Variants in LHFPL6 observed in about 807,000 individuals in gnomAD.
LHFPL6 encodes LHFPL tetraspan subfamily member 6 protein.
In LHFPL6, 9 loss-of-function variants were observed where a neutral mutation model predicts 20.6. That is an observed-to-expected ratio of 0.44 (90% CI 0.26 to 0.76). The LOEUF (loss-of-function observed/expected upper bound fraction) is 0.76, where lower values mean the gene tolerates loss of function less well. Ranked by LOEUF, LHFPL6 falls within the 30% of genes least tolerant of loss-of-function variation. LHFPL6 has a pLI of 0.20. For synonymous variants in LHFPL6, 105 were observed against 98.7 expected (o/e 1.06, Z -0.38); for missense variants, 218 against 253.5 (o/e 0.86, Z 0.95).
chr13:39,547,626 T>C (rs1871021401), intron 2 of LHFPL6, among the ~76,000 whole-genome samples: 1 of 152,128 alleles, frequency 6.6e-6, no homozygotes, highest in African/African-American at 2.4e-5. Flanking sequence ...GACCAGCTCC[T>C]GAGAATTGAG....
intron 2 of LHFPL6, among the ~76,000 whole-genome samples, chr13:39,569,008 T>C (rs1164646194): frequency 1.3e-5 from 2 of 152,196 alleles, no homozygotes; most frequent in Non-Finnish European, 2.9e-5. Context: ...CATTACTGCT[T>C]GGAAATTGAA....
rs533657418 is a variant in LHFPL6, at chr13:39,343,024, G to A, written c.*912C>T. The A allele has an allele frequency of 2.7e-4, 52 of 194,032 alleles. No homozygotes were observed. The highest frequency in any genetic ancestry group is 4.4e-4 in the Non-Finnish European group (41 of 92,736). The allele number at this position is 194,032 out of a possible 1,614,324, so 12.0% of individuals were successfully genotyped here. A position where few individuals can be genotyped will look rare whatever the true frequency, so the allele number is the denominator to read the frequency against. On this transcript the variant is annotated 3_prime_UTR_variant, in exon 4 of 4. Transcript: ENST00000379589. ...TACAATAATGGACAAAAGAAAACAC[G>A]ATCCAATGACTGGAAAATGTCTCTC...
chr13:39,349,320 T>C (rs546817152), intron 3 of LHFPL6, among the ~76,000 whole-genome samples: 2 of 150,680 alleles, frequency 1.3e-5, no homozygotes, highest in South Asian at 2.1e-4. Flanking sequence ...TATGCATACA[T>C]GTCTTTTGAG....
chr13:39,486,760 A>T (rs1868740333), intron 2 of LHFPL6, among the ~76,000 whole-genome samples: 1 of 152,222 alleles, frequency 6.6e-6, no homozygotes, highest in South Asian at 2.1e-4. Context: ...ACCTATCAGG[A>T]TATCTAATGT....
chr13:39,347,843 G>C (rs746143551), intron 3 of LHFPL6, among the ~76,000 whole-genome samples: 9 of 152,292 alleles, frequency 5.9e-5, no homozygotes, highest in African/African-American at 2.2e-4. Flanking sequence ...TGGTCCATCT[G>C]TTTAGCACTG....
At chr13:39,413,129 G>A (rs9566430) in intron 2 of LHFPL6, among the ~76,000 whole-genome samples, 4,940 of 152,158 alleles carry the variant, frequency 0.032, 94 homozygotes, top group Middle Eastern at 0.051. Flanking sequence ...TATATGCATC[G>A]CTAAGTGAAA....
intron 3 of LHFPL6, among the ~76,000 whole-genome samples, chr13:39,367,640 T>C (rs1870046227): frequency 6.6e-6 from 1 of 152,224 alleles, no homozygotes; most frequent in Non-Finnish European, 1.5e-5. Flanking sequence ...TGTTGTTTAC[T>C]ATATAGGTTC....
At chr13:39,538,565 A>G (rs144334383) in intron 2 of LHFPL6, among the ~76,000 whole-genome samples, 114 of 150,942 alleles carry the variant, frequency 7.6e-4, no homozygotes, top group African/African-American at 2.5e-3. Flanking sequence ...TTCAGGAGTC[A>G]GTGTCATGAC....
intron 2 of LHFPL6, among the ~76,000 whole-genome samples, chr13:39,584,818 C>T (rs941346661): frequency 4.6e-5 from 7 of 152,076 alleles, no homozygotes; most frequent in African/African-American, 1.7e-4. Flanking sequence ...CATTGTAGTT[C>T]CCTTCTAGAC....
intron 2 of LHFPL6, among the ~76,000 whole-genome samples, chr13:39,585,143 A>G (rs1197703668): frequency 6.6e-6 from 1 of 152,252 alleles, no homozygotes; most frequent in Non-Finnish European, 1.5e-5. Flanking sequence ...TCTCATCATA[A>G]GATGGCATTA....
intron 2 of LHFPL6, among the ~76,000 whole-genome samples, chr13:39,562,308 TGA>T: frequency 6.6e-6 from 1 of 150,550 alleles, no homozygotes; most frequent in East Asian, 1.9e-4. Context: ...TCTTCCAGTG[TGA>T]GAAGAACCAT....
chr13:39,345,106 C>T (rs1171366093), intron 3 of LHFPL6, among the ~76,000 whole-genome samples: 4 of 152,206 alleles, frequency 2.6e-5, no homozygotes, highest in Non-Finnish European at 5.9e-5. Flanking sequence ...TCAGATGATG[C>T]TCCAACAGCA....
chr13:39,505,860 T>C (rs1869459409), intron 2 of LHFPL6, among the ~76,000 whole-genome samples: 1 of 152,246 alleles, frequency 6.6e-6, no homozygotes, highest in South Asian at 2.1e-4. Flanking sequence ...TGACATTTTG[T>C]CTATATTACA....
intron 2 of LHFPL6, among the ~76,000 whole-genome samples, chr13:39,390,962 G>A (rs890969482): frequency 2.0e-4 from 31 of 151,894 alleles, no homozygotes; most frequent in Non-Finnish European, 7.4e-5. Context: ...GCGCCACTGC[G>A]CTCCAGCCTG....
chr13:39,480,147 T>C (rs948129700), intron 2 of LHFPL6, among the ~76,000 whole-genome samples: 1 of 152,160 alleles, frequency 6.6e-6, no homozygotes, highest in African/African-American at 2.4e-5. Flanking sequence ...ATGTGCCAGT[T>C]TGAAGAAGGT....
intron 2 of LHFPL6, among the ~76,000 whole-genome samples, chr13:39,408,731 T>C (rs1463804575): frequency 6.6e-6 from 1 of 152,206 alleles, no homozygotes; most frequent in East Asian, 1.9e-4. Flanking sequence ...TCTGTCACAA[T>C]GACACTCTGC....
chr13:39,602,349 C>T (rs1872980104), intron 1 of LHFPL6, among the ~76,000 whole-genome samples: 1 of 151,542 alleles, frequency 6.6e-6, no homozygotes, highest in Non-Finnish European at 1.5e-5. Context: ...TCACCTCGCC[C>T]CTACCCGTTT....
intron 2 of LHFPL6, among the ~76,000 whole-genome samples, chr13:39,576,168 T>C (rs1294073189): frequency 6.6e-6 from 1 of 152,186 alleles, no homozygotes; most frequent in Non-Finnish European, 1.5e-5. Context: ...AATAAGCCCA[T>C]TTTTCACTGC....
chr13:39,475,421 G>T (rs1873060396), intron 2 of LHFPL6, among the ~76,000 whole-genome samples: 1 of 147,462 alleles, frequency 6.8e-6, no homozygotes, highest in Non-Finnish European at 1.5e-5. Flanking sequence ...TTGATTTACT[G>T]CTCCATCTTT....
Sources: gnomAD v4.1 joint callset for allele counts (sites outside exome capture counted in the v4.1 genomes callset) on GRCh38, gnomAD v4.1.1 for gene constraint, MANE v1.5 for transcripts, NCBI Gene and HGNC (gene_info 2026-07-23, HGNC 2026-07-21) for gene names.